SMC5: variants seen among roughly 807,000 people sequenced by gnomAD.
The protein encoded by SMC5 is structural maintenance of chromosomes protein 5.
A neutral mutation model predicts 148.3 loss-of-function variants in SMC5; 88 were observed. The ratio of observed to expected loss-of-function variants is 0.59; its 90% CI spans 0.50 to 0.71. The LOEUF (loss-of-function observed/expected upper bound fraction) is 0.71, where lower values mean the gene tolerates loss of function less well. SMC5 is among the 30% of genes least tolerant of loss of function. The pLI, the probability that SMC5 is intolerant of heterozygous loss-of-function variation, is 0.00. For synonymous variants in SMC5, 421 were observed against 432.8 expected (o/e 0.97, Z 0.34); for missense variants, 1,142 against 1,298.9 (o/e 0.88, Z 1.86).
At chr9:70,321,459 C>T (rs971328775) in intron 15 of SMC5, among the ~76,000 whole-genome samples, 2 of 148,692 alleles carry the variant, frequency 1.3e-5, no homozygotes, top group African/African-American at 5.0e-5. Flanking sequence ...GTGGCATGCT[C>T]ACAGCTCACT....
chr9:70,275,526 T>C (rs2034566723), intron 3 of SMC5, among the ~76,000 whole-genome samples: 1 of 152,172 alleles, frequency 6.6e-6, no homozygotes, highest in Admixed American at 6.5e-5. Flanking sequence ...AATGTGAATC[T>C]GATCTTAGTT....
At chr9:70,260,439 TA>T (rs2034084664) in intron 1 of SMC5, among the ~76,000 whole-genome samples, 1 of 152,172 alleles carries the variant, frequency 6.6e-6, no homozygotes, top group Non-Finnish European at 1.5e-5. Flanking sequence ...CATAGTGGCA[TA>T]AGGATAACAG....
intron 11 of SMC5, among the ~76,000 whole-genome samples, chr9:70,307,458 G>T (rs879604345): frequency 6.6e-6 from 1 of 151,564 alleles, no homozygotes; most frequent in African/African-American, 2.4e-5. Context: ...TTTGTTTGTT[G>T]TATCAGTATA....
At position 70,286,251 on chromosome 9, in the gene SMC5, A is replaced by T; in HGVS notation, c.1033A>T (p.Ile345Leu). The change falls in exon 8 of 25, where the codon ATA (isoleucine) becomes TTA (leucine). Residue 345 changes from isoleucine (I) to leucine (L), a missense_variant. Physicochemically the swap from Ile to Leu is conservative, Grantham distance 5. This residue lies in a region of SMC5 where 743 missense variants were observed against 835.7 expected (regional missense o/e 0.89). Transcript: ENST00000361138. ...AAAATGCAAACAGAAGCAAGATGTTATAGAAAGGAAAGATAAACATGTAAG... is the reference window on the plus strand; with the variant it reads ...AAAATGCAAACAGAAGCAAGATGTTTTAGAAAGGAAAGATAAACATGTAAG... ...SQKCKQKQDV[I>L]ERKDKHIEEL... is the part of the protein sequence containing the mutation. 1 of 1,578,116 alleles carries T rather than the reference A, an allele frequency of 6.3e-7. No individual in the cohort carries two copies. The highest frequency in any genetic ancestry group is 8.6e-7 in the Non-Finnish European group (1 of 1,158,354).
At chr9:70,346,525 T>C (rs1282075170) in intron 18 of SMC5, 80 bp from the exon 19 acceptor site, 1 of 1,381,660 alleles carries the variant, frequency 7.2e-7, no homozygotes, top group Non-Finnish European at 1.0e-6. Flanking sequence ...TTTTTAGTTC[T>C]TCATAAGTGC....
intron 9 of SMC5, 65 bp from the exon 10 acceptor site, chr9:70,299,981 A>G (rs1452735250): frequency 7.0e-7 from 1 of 1,424,266 alleles, no homozygotes; most frequent in Non-Finnish European, 9.4e-7. Context: ...TTGTGTTATT[A>G]TTAGATTATT....
chr9:70,275,701 T>A (rs2034573038), intron 3 of SMC5, among the ~76,000 whole-genome samples: 1 of 152,202 alleles, frequency 6.6e-6, no homozygotes, highest in Admixed American at 6.5e-5. Context: ...GCTTATAAAC[T>A]CATTTCTTTT....
chr9:70,260,522 TTCTTCATAACAACTCTA>T (rs2034089361), intron 1 of SMC5, among the ~76,000 whole-genome samples: 1 of 152,164 alleles, frequency 6.6e-6, no homozygotes, highest in Non-Finnish European at 1.5e-5. Flanking sequence ...CACTCATTCT[TTCTTCATAACAACTCTA>T]TCTTGATAAT....
In SMC5 at chr9:70,344,123, CA is replaced by C; in HGVS notation, c.2398-17del. On this transcript the variant is annotated intron_variant, in intron 17 of 24. Transcript: ENST00000361138. ...GCTTTAACATTAACATTCAAATTTT[CA>C]AAATAAATTTTTTTAATAGCAACAT... The C allele has an allele frequency of 7.0e-7, 1 of 1,434,998 alleles. No individual in the cohort carries two copies. The highest frequency in any genetic ancestry group is 1.5e-5 in the South Asian group (1 of 66,006). 88.9% of individuals were successfully genotyped at this position (1,434,998 alleles called of 1,614,324 possible).
intron 17 of SMC5, among the ~76,000 whole-genome samples, chr9:70,332,523 CAAAAAA>C (rs57524323): frequency 1.9e-5 from 2 of 104,202 alleles, no homozygotes; most frequent in African/African-American, 3.7e-5. Flanking sequence ...GACCCTGTCT[CAAAAAA>C]AAAAAAAAAA....
intron 18 of SMC5, among the ~76,000 whole-genome samples, chr9:70,345,244 G>A (rs1250412878): frequency 1.3e-5 from 2 of 151,720 alleles, no homozygotes; most frequent in East Asian, 1.9e-4. Flanking sequence ...ATCAAAATTA[G>A]GAGATGATTA....
intron 15 of SMC5, among the ~76,000 whole-genome samples, chr9:70,322,565 G>A (rs960738335): frequency 2.6e-5 from 4 of 152,194 alleles, no homozygotes; most frequent in Non-Finnish European, 4.4e-5. Context: ...GCCAGGTGCG[G>A]TGGCTCACGC....
At chr9:70,282,299 T>C in intron 6 of SMC5, 123 bp from the exon 7 acceptor site, 1 of 993,530 alleles carries the variant, frequency 1.0e-6, no homozygotes, top group Non-Finnish European at 1.4e-6. Context: ...TTTACATTAA[T>C]AAACCTGTTT....
intron 10 of SMC5, among the ~76,000 whole-genome samples, chr9:70,302,204 T>C (rs2035377157): frequency 6.6e-6 from 1 of 152,124 alleles, no homozygotes; most frequent in Non-Finnish European, 1.5e-5. Flanking sequence ...AAACCTCGTC[T>C]CTACTGAAAA....
At chr9:70,327,991 G>A (rs2036124921) in intron 17 of SMC5, among the ~76,000 whole-genome samples, 1 of 151,994 alleles carries the variant, frequency 6.6e-6, no homozygotes, top group East Asian at 1.9e-4. Flanking sequence ...AGAGGATGAG[G>A]GGGAAATGCT....
At chr9:70,270,699 T>C (rs1587620938) in intron 3 of SMC5, among the ~76,000 whole-genome samples, 1 of 132,622 alleles carries the variant, frequency 7.5e-6, no homozygotes, top group Admixed American at 9.1e-5. Flanking sequence ...CAGGCTGGGG[T>C]GCAGTGGTGC....
intron 8 of SMC5, among the ~76,000 whole-genome samples, chr9:70,286,962 C>G (rs867784591): frequency 6.6e-6 from 1 of 152,174 alleles, no homozygotes; most frequent in Non-Finnish European, 1.5e-5. Flanking sequence ...AGCTATCCAC[C>G]TGCCTTGGCT....
At chr9:70,346,420 A>AG in intron 18 of SMC5, 185 bp from the exon 19 acceptor site, 1 of 635,632 alleles carries the variant, frequency 1.6e-6, no homozygotes, top group Non-Finnish European at 2.8e-6. Context: ...CTCAAAAAAA[A>AG]AAGTATATGT....
Position 70,318,912 on chromosome 9 carries a change from G to GA in SMC5, c.2104dup (p.Thr702AsnfsTer28). Reference sequence around the variant, plus strand: ...CAAAAGAAGAAGGAGCTTCTTGAGAGAAAAACCAAGAAAAGACAACTGGAA... The same window carrying GA: ...CAAAAGAAGAAGGAGCTTCTTGAGAGAAAAAACCAAGAAAAGACAACTGGAA... On this transcript the variant is annotated frameshift_variant, in exon 15 of 25. Coordinates refer to ENST00000361138, the MANE Select transcript of SMC5 (RefSeq NM_015110.4). LOFTEE classifies it high-confidence loss of function. 1 of 1,610,844 alleles carries GA rather than the reference G, an allele frequency of 6.2e-7. No individual in the cohort carries two copies. Among genetic ancestry groups the GA allele is most frequent in the Non-Finnish European group, 8.5e-7 (1 of 1,178,804 alleles).
Sources: allele counts gnomAD v4.1 joint callset (sites outside exome capture counted in the v4.1 genomes callset), GRCh38; gene constraint gnomAD v4.1.1; regional missense constraint gnomAD v4.1.1; transcripts MANE v1.5; gene names NCBI Gene and HGNC (gene_info 2026-07-23, HGNC 2026-07-21).